AFF1: variants seen among roughly 807,000 people sequenced by gnomAD.
AFF1 encodes the protein AF4/FMR2 family member 1.
Under a neutral mutation model 121.7 loss-of-function variants are expected in AFF1, and 48 were observed. That is an observed-to-expected ratio of 0.39 (90% CI 0.31 to 0.50). The LOEUF (loss-of-function observed/expected upper bound fraction) is 0.50. Ranked by LOEUF, AFF1 falls within the 20% of genes least tolerant of loss-of-function variation. The pLI is 0.76. For synonymous variants in AFF1, 613 were observed against 563.0 expected (o/e 1.09, Z -1.26); for missense variants, 1,523 against 1,511.7 (o/e 1.01, Z -0.12).
At chr4:87,027,796 T>G (rs1445152558) in intron 2 of AFF1, among the ~76,000 whole-genome samples, 1 of 142,012 alleles carries the variant, frequency 7.0e-6, no homozygotes, top group African/African-American at 2.6e-5. Flanking sequence ...TTTTTTTTTT[T>G]TTTTTTTTTT....
intron 8 of AFF1, among the ~76,000 whole-genome samples, chr4:87,098,644 A>G (rs964190243): frequency 6.6e-6 from 1 of 152,220 alleles, no homozygotes; most frequent in Non-Finnish European, 1.5e-5. Flanking sequence ...CCCTACCCCA[A>G]AATTGCCAAG....
At chr4:87,034,324 C>T (rs1225957329) in intron 2 of AFF1, among the ~76,000 whole-genome samples, 1 of 152,118 alleles carries the variant, frequency 6.6e-6, no homozygotes, top group Non-Finnish European at 1.5e-5. Flanking sequence ...GCCTTGTTGG[C>T]CAGGCTTCTG....
chr4:87,127,550 T>TC (rs1323233890), intron 15 of AFF1, 93 bp from the exon 16 acceptor site: 2 of 1,157,450 alleles, frequency 1.7e-6, no homozygotes, highest in Admixed American at 1.8e-5. Flanking sequence ...CCCCTTGCTG[T>TC]CCTCCCATCC....
chr4:87,019,644 G>A (rs1290645111), intron 2 of AFF1, among the ~76,000 whole-genome samples: 2 of 152,220 alleles, frequency 1.3e-5, no homozygotes, highest in African/African-American at 4.8e-5. Context: ...TTTAGGGAGA[G>A]TGGTGTGCCC....
Position 86,975,489 on chromosome 4 carries a change from G to T in AFF1, c.38+26918G>T, listed in dbSNP as rs1219396749. 4.6e-5 allele frequency among the ~76,000 whole-genome samples: 7 copies of T among 152,138 alleles called. No homozygotes were observed. The East Asian group carries it at 1.2e-3, about 25-fold the overall frequency. ...TGGTCTCGAACTCCTGGTCTCAAGT[G>T]ATCCTCCTGCCTCGGCCTCCCAAAG... is the stretch of plus-strand genomic sequence containing the variant. On this transcript the variant is annotated intron_variant, in intron 2 of 20. Transcript: ENST00000395146.
intron 4 of AFF1, among the ~76,000 whole-genome samples, chr4:87,057,902 C>T (rs1720313009): frequency 6.6e-6 from 1 of 152,050 alleles, no homozygotes; most frequent in Non-Finnish European, 1.5e-5. Flanking sequence ...CATCCCCCCG[C>T]CCACCATCCC....
chr4:87,047,593 A>G lies in AFF1; in HGVS notation c.1058A>G (p.Glu353Gly). The G allele has an allele frequency of 1.2e-6, 2 of 1,614,154 alleles. No individual in the cohort carries two copies. Among genetic ancestry groups the G allele is most frequent in the Non-Finnish European group, 1.7e-6 (2 of 1,180,028 alleles). ...TKLKMPSQSV[E>G]QTYSNEVHCV... Reference sequence around the variant, plus strand: ...CTGAAGATGCCTTCTCAGTCAGTTGAGGTGTGTGGAATTTCTTATCTTGGG... The same window carrying G: ...CTGAAGATGCCTTCTCAGTCAGTTGGGGTGTGTGGAATTTCTTATCTTGGG... The change falls in exon 4 of 21, where the codon GAG becomes GGG. Residue 353 changes from glutamate to glycine, a missense_variant and splice_region_variant. Glu to Gly is a moderately conservative substitution (Grantham distance 98). Coordinates refer to ENST00000395146, the MANE Select transcript of AFF1 (RefSeq NM_001166693.3).
chr4:87,015,848 C>T (rs1333440767), intron 2 of AFF1, among the ~76,000 whole-genome samples: 1 of 152,188 alleles, frequency 6.6e-6, no homozygotes, highest in African/African-American at 2.4e-5. Flanking sequence ...TGTTGACATC[C>T]TTAAAGTATT....
intron 6 of AFF1, among the ~76,000 whole-genome samples, chr4:87,090,942 G>A (rs947228255): frequency 6.1e-5 from 9 of 148,722 alleles, no homozygotes; most frequent in African/African-American, 2.2e-4. Flanking sequence ...TTGAGCCCAG[G>A]AGGTTGAGGC....
chr4:87,140,529 G>T lies in AFF1; in HGVS notation c.*4828G>T, dbSNP rs1358165454. 5.7e-6 allele frequency: 1 copy of T among 175,490 alleles called. No homozygotes were observed. Among genetic ancestry groups the T allele is most frequent in the African/African-American group, 2.4e-5 (1 of 41,914 alleles). 10.9% of individuals were successfully genotyped at this position (175,490 alleles called of 1,614,324 possible). ...TGCTTTCTTATAACTTTGGAGGAAAGTCAAATCTTGGTATTATTAAAATTG... is the reference window on the plus strand; with the variant it reads ...TGCTTTCTTATAACTTTGGAGGAAATTCAAATCTTGGTATTATTAAAATTG... On this transcript the variant is annotated 3_prime_UTR_variant, in exon 21 of 21. Transcript: ENST00000395146.
intron 2 of AFF1, among the ~76,000 whole-genome samples, chr4:86,955,866 A>T (rs1379601727): frequency 6.6e-6 from 1 of 152,174 alleles, no homozygotes; most frequent in Non-Finnish European, 1.5e-5. Flanking sequence ...AGCCCCTGGA[A>T]GCTCTCCTTT....
At chr4:87,017,444 A>C (rs1373321176) in intron 2 of AFF1, among the ~76,000 whole-genome samples, 1 of 152,178 alleles carries the variant, frequency 6.6e-6, no homozygotes, top group Non-Finnish European at 1.5e-5. Flanking sequence ...TTCGATGAAG[A>C]AATTCATATC....
Position 87,139,100 on chromosome 4 carries a change from C to G in AFF1, c.*3399C>G. 4.4e-6 allele frequency: 1 copy of G among 227,418 alleles called. No homozygotes were observed. Among genetic ancestry groups the G allele is most frequent in the Non-Finnish European group, 8.7e-6 (1 of 114,400 alleles). The allele number at this position is 227,418 out of a possible 1,614,324, so 14.1% of individuals were successfully genotyped here. A position where few individuals can be genotyped will look rare whatever the true frequency, so the allele number is the denominator to read the frequency against. ...AAGCCATTGTGTCCTCTACAATTAA[C>G]AAAACTTATCTCTGATATACAAAGG... On this transcript the variant is annotated 3_prime_UTR_variant, in exon 21 of 21. Transcript: ENST00000395146.
At chr4:87,000,643 C>A (rs1028345456) in intron 2 of AFF1, among the ~76,000 whole-genome samples, 1 of 65,788 alleles carries the variant, frequency 1.5e-5, no homozygotes, top group Non-Finnish European at 4.0e-5. Context: ...GTGTGTGTGG[C>A]AGAGGAAGTG....
rs1724343506 is a variant in AFF1 at position 87,091,805 on chromosome 4, G to A, written c.1204G>A (p.Val402Ile). 6.4e-7 allele frequency: 1 copy of A among 1,556,842 alleles called. No homozygotes were observed. Among genetic ancestry groups the A allele is most frequent in the East Asian group, 2.3e-5 (1 of 43,254 alleles). Reference protein sequence around the residue: ...FPFPTKDSQHVSSVTQNQKQY... With the variant: ...FPFPTKDSQHISSVTQNQKQY... ...ATTTTCTTTCTAGGACTCTCAGCAT[G>A]TCAGTTCTGTAACCCAAAACCAAAG... Residue 402 changes from valine (V) to isoleucine (I), a missense_variant, in exon 7 of 21, where the codon GTC becomes ATC. Physicochemically the swap from Val to Ile is conservative, Grantham distance 29. Coordinates refer to ENST00000395146, the MANE Select transcript of AFF1 (RefSeq NM_001166693.3).
chr4:87,097,858 G>A (rs951318400), intron 8 of AFF1, among the ~76,000 whole-genome samples: 5 of 152,208 alleles, frequency 3.3e-5, no homozygotes, highest in African/African-American at 1.2e-4. Context: ...GCAAATTGCA[G>A]TTGTTTCAGA....
intron 2 of AFF1, among the ~76,000 whole-genome samples, chr4:86,995,694 T>C (rs1041454215): frequency 2.0e-3 from 300 of 151,660 alleles, no homozygotes; most frequent in Middle Eastern, 6.8e-3. Context: ...TGCCTTGGCC[T>C]CCCAAAGTGC....
At chr4:86,978,519 A>G (rs1723485948) in intron 2 of AFF1, among the ~76,000 whole-genome samples, 1 of 152,002 alleles carries the variant, frequency 6.6e-6, no homozygotes, top group Non-Finnish European at 1.5e-5. Context: ...TCTGTCTAGT[A>G]AATTTCATAG....
intron 12 of AFF1, among the ~76,000 whole-genome samples, chr4:87,121,130 C>T (rs529372179): frequency 6.6e-6 from 1 of 152,286 alleles, no homozygotes; most frequent in East Asian, 1.9e-4. Context: ...GGTGAGGCAC[C>T]ATCCTTGAGA....
Sources: gnomAD v4.1 joint callset for allele counts (sites outside exome capture counted in the v4.1 genomes callset) on GRCh38, gnomAD v4.1.1 for gene constraint, MANE v1.5 for transcripts, NCBI Gene and HGNC (gene_info 2026-07-23, HGNC 2026-07-21) for gene names.